Variants in ARHGAP15 observed in about 807,000 individuals in gnomAD.
The protein encoded by ARHGAP15 is rho GTPase-activating protein 15.
ARHGAP15 carries 51 observed loss-of-function variants against 63.7 expected under a neutral mutation model. That is an observed-to-expected ratio of 0.80 (90% CI 0.64 to 1.01). The LOEUF (loss-of-function observed/expected upper bound fraction) is 1.01. Ranked by LOEUF, ARHGAP15 falls within the 50% of genes least tolerant of loss-of-function variation. The pLI is 0.00. For synonymous variants in ARHGAP15, 191 were observed against 193.8 expected, an observed-to-expected ratio of 0.99 and a Z score of 0.12; for missense variants, 560 against 564.6, an observed-to-expected ratio of 0.99 and a Z score of 0.08.
At chr2:143,167,700 A>C (rs1380137501) in intron 2 of ARHGAP15, among the ~76,000 whole-genome samples, 1 of 152,118 alleles carries the variant, frequency 6.6e-6, no homozygotes, top group African/African-American at 2.4e-5. Flanking sequence ...CCTCATCAAA[A>C]ACAATGACAA....
intron 10 of ARHGAP15, among the ~76,000 whole-genome samples, chr2:143,525,371 C>G (rs1694225212): frequency 2.0e-5 from 3 of 146,598 alleles, no homozygotes; most frequent in Non-Finnish European, 3.0e-5. Context: ...AAAAAAAAAT[C>G]AAGAGTACAA....
chr2:143,637,437 G>A (rs1192242521), intron 12 of ARHGAP15, among the ~76,000 whole-genome samples: 1 of 151,858 alleles, frequency 6.6e-6, no homozygotes, highest in African/African-American at 2.4e-5. Context: ...ACACCATCTT[G>A]TACCATGGTA....
At chr2:143,320,446 T>A (rs1268274035) in intron 6 of ARHGAP15, among the ~76,000 whole-genome samples, 4 of 87,534 alleles carry the variant, frequency 4.6e-5, no homozygotes, top group African/African-American at 1.7e-4. Flanking sequence ...TAAACATTTA[T>A]TTGCACAGCA....
rs557892277 is a variant in ARHGAP15 at position 143,380,668 on chromosome 2, C to T, written c.475-54933C>T. Among the ~76,000 whole-genome samples, 12 of 152,200 alleles carry T rather than the reference C, an allele frequency of 7.9e-5. No individual in the cohort carries two copies. In the South Asian group the frequency reaches 2.3e-3, roughly 29 times the overall value. On this transcript the variant is annotated intron_variant, in intron 6 of 13. Coordinates refer to ENST00000295095, the MANE Select transcript of ARHGAP15 (RefSeq NM_018460.4). ...GTTCATTCTGGTTAAATAGTTGCTG[C>T]GCTTCCTTGTATATACATAAAATGA...
At chr2:143,632,970 A>C (rs1239551002) in intron 12 of ARHGAP15, among the ~76,000 whole-genome samples, 2 of 152,202 alleles carry the variant, frequency 1.3e-5, no homozygotes, top group Non-Finnish European at 2.9e-5. Flanking sequence ...ATAGTGACAA[A>C]TTGCCTTAAA....
chr2:143,147,272 A>G (rs1277137688), intron 1 of ARHGAP15, among the ~76,000 whole-genome samples: 2 of 152,054 alleles, frequency 1.3e-5, no homozygotes, highest in Admixed American at 6.6e-5. Context: ...AACTTGTTCT[A>G]GAGCTGATGT....
intron 2 of ARHGAP15, among the ~76,000 whole-genome samples, chr2:143,184,302 C>A (rs527432849): frequency 2.0e-5 from 3 of 152,160 alleles, no homozygotes; most frequent in Non-Finnish European, 4.4e-5. Context: ...AAAGGGATAG[C>A]AAACTGAAAG....
chr2:143,534,218 G>A (rs1694647072), intron 10 of ARHGAP15, among the ~76,000 whole-genome samples: 1 of 152,102 alleles, frequency 6.6e-6, no homozygotes, highest in East Asian at 1.9e-4. Context: ...CTCCCTCACT[G>A]GCACTTCTTT....
chr2:143,529,865 C>A (rs1055690252), intron 10 of ARHGAP15, among the ~76,000 whole-genome samples: 1 of 152,100 alleles, frequency 6.6e-6, no homozygotes, highest in African/African-American at 2.4e-5. Flanking sequence ...CTAATAGAGC[C>A]CTTATTGCCT....
intron 5 of ARHGAP15, among the ~76,000 whole-genome samples, chr2:143,233,923 G>C (rs2104925876): frequency 6.6e-6 from 1 of 152,200 alleles, no homozygotes; most frequent in East Asian, 1.9e-4. Flanking sequence ...GGGATTACAG[G>C]TGTCAGCCAC....
intron 6 of ARHGAP15, among the ~76,000 whole-genome samples, chr2:143,386,053 T>G (rs1253891408): frequency 6.6e-6 from 1 of 152,166 alleles, no homozygotes; most frequent in African/African-American, 2.4e-5. Flanking sequence ...GTCCAGTTTA[T>G]GGCCAAGCAT....
chr2:143,269,244 G>C (rs990520149), intron 6 of ARHGAP15, among the ~76,000 whole-genome samples: 1 of 152,100 alleles, frequency 6.6e-6, no homozygotes, highest in Non-Finnish European at 1.5e-5. Context: ...AGCGGTCAGA[G>C]ATAAAGATAT....
chr2:143,219,011 G>A (rs955202743), intron 4 of ARHGAP15, among the ~76,000 whole-genome samples: 8 of 152,174 alleles, frequency 5.3e-5, no homozygotes, highest in African/African-American at 1.7e-4. Flanking sequence ...GGATTAAAAC[G>A]TTTTTATGCA....
chr2:143,346,313 C>T (rs773357633), intron 6 of ARHGAP15, among the ~76,000 whole-genome samples: 2 of 151,526 alleles, frequency 1.3e-5, no homozygotes, highest in Admixed American at 6.6e-5. Context: ...ATTGAACACT[C>T]GGAAGCTCAT....
intron 13 of ARHGAP15, among the ~76,000 whole-genome samples, chr2:143,766,344 G>C (rs962032009): frequency 6.6e-6 from 1 of 152,156 alleles, no homozygotes; most frequent in African/African-American, 2.4e-5. Context: ...TCTCCAAGCT[G>C]TCTCCTCTGG....
chr2:143,133,986 A>C (rs1573989284), intron 1 of ARHGAP15, among the ~76,000 whole-genome samples: 1 of 152,314 alleles, frequency 6.6e-6, no homozygotes, highest in African/African-American at 2.4e-5. Flanking sequence ...ACAGCTGTAT[A>C]CTATTCCACT....
chr2:143,403,276 T>C (rs16822469), intron 6 of ARHGAP15, among the ~76,000 whole-genome samples: 1,591 of 151,800 alleles, frequency 0.01, 48 homozygotes, highest in South Asian at 0.1. Context: ...GAGACCTGGG[T>C]ATATTATTTT....
intron 11 of ARHGAP15, among the ~76,000 whole-genome samples, chr2:143,568,197 G>T (rs1359088620): frequency 6.6e-6 from 1 of 152,154 alleles, no homozygotes; most frequent in Non-Finnish European, 1.5e-5. Context: ...AAGAGCTTCT[G>T]CACAGCAAAA....
At chr2:143,722,564 G>GA (rs1685107859) in intron 13 of ARHGAP15, among the ~76,000 whole-genome samples, 1 of 152,130 alleles carries the variant, frequency 6.6e-6, no homozygotes, top group Non-Finnish European at 1.5e-5. Context: ...GAAGTCTAAG[G>GA]TTTTGCCTTT....
Sources: allele counts gnomAD v4.1 joint callset (sites outside exome capture counted in the v4.1 genomes callset), GRCh38; gene constraint gnomAD v4.1.1; transcripts MANE v1.5; gene names NCBI Gene and HGNC (gene_info 2026-07-23, HGNC 2026-07-21).